DCLK1: variants seen among roughly 807,000 people sequenced by gnomAD.
DCLK1 encodes the protein serine/threonine-protein kinase DCLK1.
In DCLK1, 16 loss-of-function variants were observed where a neutral mutation model predicts 86.2. The ratio of observed to expected loss-of-function variants is 0.19; its 90% CI spans 0.13 to 0.28. The LOEUF is 0.28. Ranked by LOEUF, DCLK1 falls within the 10% of genes least tolerant of loss-of-function variation. The pLI, the probability that DCLK1 is intolerant of heterozygous loss-of-function variation, is 1.00. For missense variants in DCLK1, 590 were observed against 940.2 expected, an observed-to-expected ratio of 0.63 and a Z score of 4.87; for synonymous variants, 369 against 370.5, an observed-to-expected ratio of 1.00 and a Z score of 0.05.
At chr13:35,778,508 T>C (rs749454219) in intron 16 of DCLK1, among the ~76,000 whole-genome samples, 1 of 152,068 alleles carries the variant, frequency 6.6e-6, no homozygotes, top group Non-Finnish European at 1.5e-5. Flanking sequence ...GGGAGTAGGG[T>C]TGGGGTGGGC....
chr13:36,126,037 G>T lies in DCLK1; in HGVS notation c.101C>A (p.Thr34Lys), dbSNP rs1161548886. ...GTAGAAGCTGCAGTGGGCGCTGTGC[G>T]TCGGGCTCGGCAGGCCGTTCACCCG... ...GSRVNGLPSPTHSAHCSFYRT... is the reference protein window; with the variant it reads ...GSRVNGLPSPKHSAHCSFYRT... The change falls in exon 2 of 17, where the codon ACG becomes AAG. Residue 34 changes from threonine to lysine, a missense_variant. Coordinates refer to ENST00000360631, the MANE Select transcript of DCLK1 (RefSeq NM_001330071.2). 2 of 1,613,780 alleles carry T rather than the reference G, an allele frequency of 1.2e-6. No individual in the cohort carries two copies. The highest frequency in any genetic ancestry group is 1.7e-6 in the Non-Finnish European group (2 of 1,180,018).
rs533754795 is a variant in DCLK1 at position 35,832,116 on chromosome 13, G to A, written c.1230-3809C>T. Among the ~76,000 whole-genome samples, 40 of 152,242 alleles carry A rather than the reference G, an allele frequency of 2.6e-4. 1 individual carries two copies. The South Asian group carries it at 7.9e-3, about 30-fold the overall frequency. On this transcript the variant is annotated intron_variant, in intron 8 of 16. Coordinates refer to ENST00000360631, the MANE Select transcript of DCLK1 (RefSeq NM_001330071.2). ...GAGACCAGCCTGGGCCACATAGTGA[G>A]ACCCATCTACAAAAAATAAAAACAA...
intron 3 of DCLK1, among the ~76,000 whole-genome samples, chr13:36,111,069 C>T (rs1270811356): frequency 2.0e-5 from 3 of 151,886 alleles, no homozygotes; most frequent in Non-Finnish European, 2.9e-5. Context: ...CTCCTGACCT[C>T]GTGATCCGCC....
At chr13:35,923,358 G>A (rs1386127494) in intron 4 of DCLK1, among the ~76,000 whole-genome samples, 1 of 151,956 alleles carries the variant, frequency 6.6e-6, no homozygotes, top group African/African-American at 2.4e-5. Flanking sequence ...AGTCCAAGAT[G>A]CCACTAGCTT....
In DCLK1 at chr13:36,012,661, T is replaced by C. The variant is rs1220537322; in HGVS notation, c.724-65204A>G. 3.7e-3 allele frequency among the ~76,000 whole-genome samples: 495 copies of C among 134,304 alleles called. 4 individuals carry two copies. Among genetic ancestry groups the C allele is most frequent in the African/African-American group, 0.013 (463 of 35,232 alleles). The allele number at this position is 134,304 out of a possible 152,430, so 88.1% of individuals were successfully genotyped here. Reference sequence around the variant, plus strand: ...CCTTTCTCTCTGGCTGCCCTTAACATTTTTTCCTTCATTTCAACTTTGGTG... The same window carrying C: ...CCTTTCTCTCTGGCTGCCCTTAACACTTTTTCCTTCATTTCAACTTTGGTG... On this transcript the variant is annotated intron_variant, in intron 3 of 16. Transcript: ENST00000360631.
At chr13:36,057,443 G>A (rs1370121530) in intron 3 of DCLK1, among the ~76,000 whole-genome samples, 1 of 152,086 alleles carries the variant, frequency 6.6e-6, no homozygotes, top group Admixed American at 6.5e-5. Context: ...ACCACATTTG[G>A]GAATGAGCAC....
chr13:35,807,577 T>C (rs2087053344), intron 14 of DCLK1, among the ~76,000 whole-genome samples: 1 of 152,256 alleles, frequency 6.6e-6, no homozygotes, highest in African/African-American at 2.4e-5. Flanking sequence ...GGTCATACTT[T>C]AGGCAGGGAT....
intron 3 of DCLK1, among the ~76,000 whole-genome samples, chr13:36,062,398 A>G (rs1263910018): frequency 1.3e-5 from 2 of 152,094 alleles, no homozygotes; most frequent in African/African-American, 4.8e-5. Flanking sequence ...CTTTATTGTC[A>G]GTGTTGAGAA....
chr13:35,977,592 A>T (rs577435422), intron 3 of DCLK1, among the ~76,000 whole-genome samples: 5 of 150,126 alleles, frequency 3.3e-5, no homozygotes, highest in Non-Finnish European at 7.4e-5. Context: ...CTAATGGGCT[A>T]TTTTTTTTTT....
At chr13:36,125,737 G>T (rs375204691) in intron 2 of DCLK1, 25 bp downstream of exon 2, 1 of 1,598,064 alleles carries the variant, frequency 6.3e-7, no homozygotes, top group Admixed American at 1.7e-5. Flanking sequence ...GTAGGGTCAC[G>T]TGGGGGTTAT....
At chr13:35,794,592 G>A (rs956176077) in intron 15 of DCLK1, among the ~76,000 whole-genome samples, 6 of 152,196 alleles carry the variant, frequency 3.9e-5, no homozygotes, top group African/African-American at 1.4e-4. Flanking sequence ...TTAACTGCAT[G>A]CCTACATGGA....
chr13:35,792,440 A>C (rs1378479620), intron 16 of DCLK1, among the ~76,000 whole-genome samples: 1 of 152,192 alleles, frequency 6.6e-6, no homozygotes, highest in African/African-American at 2.4e-5. Context: ...AGAAGTGGTT[A>C]AATATTCAGT....
At chr13:36,102,153 C>T (rs943771155) in intron 3 of DCLK1, among the ~76,000 whole-genome samples, 1 of 150,572 alleles carries the variant, frequency 6.6e-6, no homozygotes, top group Non-Finnish European at 1.5e-5. Context: ...GACTGTCACT[C>T]TGAAAAGGCA....
chr13:36,040,411 A>G (rs989539269), intron 3 of DCLK1, among the ~76,000 whole-genome samples: 1 of 144,768 alleles, frequency 6.9e-6, no homozygotes, highest in East Asian at 2.1e-4. Flanking sequence ...CAAACTGTCA[A>G]GGTTTTCCTC....
chr13:35,852,083 A>T (rs1218476179), intron 6 of DCLK1, among the ~76,000 whole-genome samples: 2 of 152,130 alleles, frequency 1.3e-5, no homozygotes, highest in African/African-American at 4.8e-5. Flanking sequence ...ACACAGAAGG[A>T]AAAAATAGAA....
rs138293224 is a variant in DCLK1 at position 36,040,473 on chromosome 13, C to T, written c.723+71396G>A. Among the ~76,000 whole-genome samples the T allele has an allele frequency of 2.4e-3, 368 of 150,608 alleles. 1 individual carries two copies. Among genetic ancestry groups the T allele is most frequent in the Non-Finnish European group, 3.1e-3 (212 of 67,542 alleles). On this transcript the variant is annotated intron_variant, in intron 3 of 16. Transcript: ENST00000360631. Reference sequence around the variant, plus strand: ...GGGGAGGAAGACTACAGGGGTAAAGCGGCATCCTTATAACACTAAGTGCAT... The same window carrying T: ...GGGGAGGAAGACTACAGGGGTAAAGTGGCATCCTTATAACACTAAGTGCAT...
chr13:35,991,436 G>A (rs995551563), intron 3 of DCLK1, among the ~76,000 whole-genome samples: 3 of 152,084 alleles, frequency 2.0e-5, no homozygotes, highest in Non-Finnish European at 2.9e-5. Context: ...CTGAGGCTGA[G>A]GATCACTTGA....
intron 3 of DCLK1, among the ~76,000 whole-genome samples, chr13:35,951,108 C>G (rs946037262): frequency 6.6e-6 from 1 of 152,020 alleles, no homozygotes; most frequent in Non-Finnish European, 1.5e-5. Flanking sequence ...TTACTATCCT[C>G]AAGTTAAAGT....
chr13:35,864,790 C>T (rs892807178), intron 5 of DCLK1, among the ~76,000 whole-genome samples: 19 of 151,478 alleles, frequency 1.3e-4, no homozygotes, highest in African/African-American at 4.1e-4. Context: ...GTAGCTGGGA[C>T]CACAGGTGTG....
Sources: gnomAD v4.1 joint callset for allele counts (sites outside exome capture counted in the v4.1 genomes callset) on GRCh38, gnomAD v4.1.1 for gene constraint, MANE v1.5 for transcripts, NCBI Gene and HGNC (gene_info 2026-07-23, HGNC 2026-07-21) for gene names.